The following ADAMTSL3 variants were observed in gnomAD, a reference collection of about 807,000 sequenced individuals.
ADAMTSL3 encodes the protein ADAMTS-like protein 3.
Under a neutral mutation model 201.7 loss-of-function variants are expected in ADAMTSL3, and 128 were observed. That is an observed-to-expected ratio of 0.63 (90% CI 0.55 to 0.73). ADAMTSL3 has a LOEUF of 0.73. Ranked by LOEUF, ADAMTSL3 falls within the 30% of genes least tolerant of loss-of-function variation. ADAMTSL3 has a pLI of 0.00. For missense variants in ADAMTSL3, 1,990 were observed against 2,119.6 expected, an observed-to-expected ratio of 0.94 and a Z score of 1.20; for synonymous variants, 738 against 748.4, an observed-to-expected ratio of 0.99 and a Z score of 0.23.
chr15:83,887,801 G>A (rs1232978579), intron 10 of ADAMTSL3, among the ~76,000 whole-genome samples: 8 of 152,278 alleles, frequency 5.3e-5, no homozygotes, highest in African/African-American at 1.9e-4. Flanking sequence ...ATGTTGCCCA[G>A]GCTGGTCTCC....
At chr15:83,878,449 A>G (rs1180307415) in intron 9 of ADAMTSL3, among the ~76,000 whole-genome samples, 1 of 152,078 alleles carries the variant, frequency 6.6e-6, no homozygotes, top group Middle Eastern at 3.2e-3. Flanking sequence ...CTCTGTCTCT[A>G]CTAAAATACA....
At chr15:83,930,957 C>G (rs2066344459) in intron 17 of ADAMTSL3, among the ~76,000 whole-genome samples, 1 of 152,306 alleles carries the variant, frequency 6.6e-6, no homozygotes, top group Non-Finnish European at 1.5e-5. Context: ...GTTGAACAGC[C>G]AGTGGATCTT....
At chr15:83,792,456 G>A (rs1482664006) in intron 4 of ADAMTSL3, among the ~76,000 whole-genome samples, 1 of 152,144 alleles carries the variant, frequency 6.6e-6, no homozygotes, top group Non-Finnish European at 1.5e-5. Flanking sequence ...AATTGGTACA[G>A]CTACTATGAA....
At chr15:83,778,622 A>G (rs751625527) in intron 4 of ADAMTSL3, among the ~76,000 whole-genome samples, 1 of 152,240 alleles carries the variant, frequency 6.6e-6, no homozygotes, top group Admixed American at 6.5e-5. Context: ...AGGAAGCACT[A>G]AATATGGAAA....
At chr15:83,764,488 C>G (rs2062859769) in intron 3 of ADAMTSL3, among the ~76,000 whole-genome samples, 1 of 152,158 alleles carries the variant, frequency 6.6e-6, no homozygotes, top group African/African-American at 2.4e-5. Flanking sequence ...ATAACGAGCA[C>G]TGCAGGGCGA....
At chr15:83,934,570 T>C (rs939813182) in intron 17 of ADAMTSL3, among the ~76,000 whole-genome samples, 2 of 152,266 alleles carry the variant, frequency 1.3e-5, no homozygotes, top group South Asian at 2.1e-4. Context: ...GGTTTTGAAA[T>C]GTGAAATGCA....
At chr15:83,749,937 A>G (rs1322504507) in intron 3 of ADAMTSL3, among the ~76,000 whole-genome samples, 1 of 152,150 alleles carries the variant, frequency 6.6e-6, no homozygotes, top group Non-Finnish European at 1.5e-5. Flanking sequence ...TCCAGATGTA[A>G]CACTTTGTGG....
intron 2 of ADAMTSL3, among the ~76,000 whole-genome samples, chr15:83,668,275 ATAATT>A (rs2141379310): frequency 6.9e-6 from 1 of 145,790 alleles, no homozygotes; most frequent in African/African-American, 2.6e-5. Flanking sequence ...ATTCAACAAT[ATAATT>A]AAGGAAAACT....
At chr15:83,698,146 A>G (rs868139430) in intron 2 of ADAMTSL3, among the ~76,000 whole-genome samples, 12 of 152,276 alleles carry the variant, frequency 7.9e-5, no homozygotes, top group Middle Eastern at 3.4e-3. Flanking sequence ...TAGGAGCTCT[A>G]TGTCAAGAAC....
intron 17 of ADAMTSL3, among the ~76,000 whole-genome samples, chr15:83,935,166 C>T (rs1319430546): frequency 6.6e-6 from 1 of 152,168 alleles, no homozygotes; most frequent in East Asian, 1.9e-4. Context: ...TGAAATTGCA[C>T]TTGTACCCCT....
At chr15:83,990,725 G>T (rs1263039625) in intron 22 of ADAMTSL3, among the ~76,000 whole-genome samples, 1 of 151,998 alleles carries the variant, frequency 6.6e-6, no homozygotes, top group Admixed American at 6.6e-5. Context: ...TTCCTGCTCT[G>T]CCTGTCTTCT....
chr15:83,899,893 A>T (rs373840628), intron 15 of ADAMTSL3, among the ~76,000 whole-genome samples, 162 bp downstream of exon 15: 73 of 152,328 alleles, frequency 4.8e-4, no homozygotes, highest in Admixed American at 8.5e-4. Context: ...TCTTTGTTTC[A>T]CAATTCAGCA....
chr15:84,033,728 T>C (rs2068449062), intron 28 of ADAMTSL3, among the ~76,000 whole-genome samples: 1 of 152,164 alleles, frequency 6.6e-6, no homozygotes, highest in Admixed American at 6.5e-5. Context: ...CCTCATCCAT[T>C]ATCTCATGCT....
At chr15:83,760,907 T>C (rs2062797940) in intron 3 of ADAMTSL3, among the ~76,000 whole-genome samples, 1 of 152,178 alleles carries the variant, frequency 6.6e-6, no homozygotes, top group South Asian at 2.1e-4. Flanking sequence ...TTTTAAATTT[T>C]ATCCTGACAA....
chr15:83,772,780 A>C (rs906472853), intron 3 of ADAMTSL3, among the ~76,000 whole-genome samples: 1 of 147,180 alleles, frequency 6.8e-6, no homozygotes, highest in African/African-American at 2.5e-5. Flanking sequence ...ATCTTGGCTT[A>C]CTTCAACCTC....
rs369378416 is a variant in ADAMTSL3, at chr15:83,773,560, G to A, written c.227G>A (p.Gly76Asp). ...ACTCGTTCAGATGAAGACAAAGATG[G>A]CAACTGGGATGCTTGGGGCGACTGG... ...RNTRSDEDKD[G>D]NWDAWGDWSD... The change falls in exon 4 of 30, where the codon GGC becomes GAC. Residue 76 changes from glycine to aspartate, a missense_variant. Transcript: ENST00000286744. 5 of 1,613,896 alleles carry A rather than the reference G, an allele frequency of 3.1e-6. No individual in the cohort carries two copies. The highest frequency in any genetic ancestry group is 4.2e-6 in the Non-Finnish European group (5 of 1,179,940).
chr15:83,925,116 T>C (rs886475478), intron 17 of ADAMTSL3, among the ~76,000 whole-genome samples: 1 of 152,168 alleles, frequency 6.6e-6, no homozygotes, highest in Non-Finnish European at 1.5e-5. Context: ...CCTGCCTTGA[T>C]TGCATAAGGG....
Position 83,936,528 on chromosome 15 carries a change from G to T in ADAMTSL3, c.2118-6068G>T, listed in dbSNP as rs564490932. Among the ~76,000 whole-genome samples the T allele has an allele frequency of 6.6e-5, 10 of 150,954 alleles. No individual in the cohort carries two copies. In the South Asian group the frequency reaches 2.1e-3, roughly 31 times the overall value. On this transcript the variant is annotated intron_variant, in intron 17 of 29. Transcript: ENST00000286744. ...ACATACTGAACAACTGTAGACTTTT[G>T]TTATAAACATTTATAGTTATGCTAT...
At chr15:83,728,442 T>C (rs1191039684) in intron 3 of ADAMTSL3, among the ~76,000 whole-genome samples, 1 of 151,810 alleles carries the variant, frequency 6.6e-6, no homozygotes, top group Non-Finnish European at 1.5e-5. Context: ...CCTTCCTATT[T>C]TCTTTTTAGT....
Sources: allele counts gnomAD v4.1 joint callset (sites outside exome capture counted in the v4.1 genomes callset), GRCh38; gene constraint gnomAD v4.1.1; transcripts MANE v1.5; gene names NCBI Gene and HGNC (gene_info 2026-07-23, HGNC 2026-07-21).